RAD51B: variants seen among roughly 807,000 people sequenced by gnomAD.
The protein encoded by RAD51B is DNA repair protein RAD51 homolog 2.
In RAD51B, 38 loss-of-function variants were observed where a neutral mutation model predicts 42.2. That is an observed-to-expected ratio of 0.90 (90% CI 0.70 to 1.18). RAD51B has a LOEUF of 1.18. RAD51B is among the 50% of genes most tolerant of loss of function. The pLI, the probability that RAD51B is intolerant of heterozygous loss-of-function variation, is 0.00. For synonymous variants in RAD51B, 154 were observed against 145.2 expected (o/e 1.06, Z -0.43); for missense variants, 373 against 400.7 (o/e 0.93, Z 0.59).
At chr14:68,608,174 A>G (rs749087923) in intron 10 of RAD51B, among the ~76,000 whole-genome samples, 4 of 152,324 alleles carry the variant, frequency 2.6e-5, no homozygotes, top group Non-Finnish European at 5.9e-5. Context: ...CCCTTCTCTT[A>G]GGCCTCCCCA....
intron 7 of RAD51B, among the ~76,000 whole-genome samples, chr14:67,897,422 A>G (rs1206574449): frequency 1.3e-5 from 2 of 152,316 alleles, no homozygotes; most frequent in Non-Finnish European, 1.5e-5. Flanking sequence ...CAAGCAAACA[A>G]GAGACAATAC....
intron 4 of RAD51B, among the ~76,000 whole-genome samples, chr14:67,857,359 G>T (rs2042029916): frequency 6.6e-6 from 1 of 152,106 alleles, no homozygotes; most frequent in Non-Finnish European, 1.5e-5. Context: ...ATCTCTTACT[G>T]TTATTCACAT....
At chr14:68,417,558 C>CT (rs2084593093) in intron 9 of RAD51B, among the ~76,000 whole-genome samples, 1 of 152,030 alleles carries the variant, frequency 6.6e-6, no homozygotes, top group Admixed American at 6.6e-5. Flanking sequence ...AAAAGAATCC[C>CT]TTTTTTCAGG....
At chr14:68,631,546 G>A (rs765810980) in intron 10 of RAD51B, among the ~76,000 whole-genome samples, 4 of 152,204 alleles carry the variant, frequency 2.6e-5, no homozygotes, top group Non-Finnish European at 5.9e-5. Flanking sequence ...ACTCAAGAGA[G>A]GCCCTCATGC....
In RAD51B at chr14:67,932,351, A is replaced by G. The variant is rs1047318767; in HGVS notation, c.756+45147A>G. ...ATCTGTGTTATCTGTGATTTCCTCC[A>G]TGGTTTATGGTGTGGTTATTAGTGG... On this transcript the variant is annotated intron_variant, in intron 7 of 10. Transcript: ENST00000471583. 3.9e-5 allele frequency among the ~76,000 whole-genome samples: 6 copies of G among 152,004 alleles called. No homozygotes were observed. In the East Asian group the frequency reaches 5.8e-4, roughly 15 times the overall value.
chr14:68,449,216 T>TA (rs1354855780), intron 9 of RAD51B, among the ~76,000 whole-genome samples: 4 of 152,320 alleles, frequency 2.6e-5, no homozygotes, highest in Admixed American at 2.6e-4. Flanking sequence ...TAATTATTTT[T>TA]AAAAAACAAC....
At chr14:68,065,256 A>G (rs2076631336) in intron 7 of RAD51B, among the ~76,000 whole-genome samples, 1 of 152,150 alleles carries the variant, frequency 6.6e-6, no homozygotes. Context: ...CAAGTGTCTC[A>G]GTGGCTTAAG....
At chr14:68,056,523 C>T (rs371950039) in intron 7 of RAD51B, among the ~76,000 whole-genome samples, 11 of 151,816 alleles carry the variant, frequency 7.2e-5, no homozygotes, top group South Asian at 6.2e-4. Context: ...CTGAGACAGG[C>T]GGATTGCCTG....
At chr14:68,371,119 A>C (rs528028175) in intron 8 of RAD51B, among the ~76,000 whole-genome samples, 13 of 151,864 alleles carry the variant, frequency 8.6e-5, no homozygotes, top group Non-Finnish European at 1.3e-4. Flanking sequence ...TAAACAACTG[A>C]GAATGGTGTC....
At chr14:68,432,318 G>T (rs1200739090) in intron 9 of RAD51B, among the ~76,000 whole-genome samples, 1 of 152,112 alleles carries the variant, frequency 6.6e-6, no homozygotes, top group Non-Finnish European at 1.5e-5. Context: ...TTAACTTTCT[G>T]TCTCATTGAT....
chr14:67,966,385 C>T (rs1488370956), intron 7 of RAD51B, among the ~76,000 whole-genome samples: 3 of 152,212 alleles, frequency 2.0e-5, no homozygotes, highest in African/African-American at 7.2e-5. Flanking sequence ...TCTCCCTAAC[C>T]ATTGCATCTT....
intron 7 of RAD51B, among the ~76,000 whole-genome samples, chr14:68,283,103 G>A (rs759097139): frequency 8.5e-5 from 13 of 152,186 alleles, no homozygotes; most frequent in Admixed American, 1.3e-4. Flanking sequence ...AATACCAGCC[G>A]TCTGTGAGGG....
chr14:68,578,612 TC>T (rs1474352819), intron 10 of RAD51B, among the ~76,000 whole-genome samples: 1 of 152,052 alleles, frequency 6.6e-6, no homozygotes, highest in African/African-American at 2.4e-5. Flanking sequence ...ATAGCCTCTC[TC>T]CTTGAAGGAT....
chr14:68,116,442 C>T (rs1241436432), intron 7 of RAD51B, among the ~76,000 whole-genome samples: 1 of 151,192 alleles, frequency 6.6e-6, no homozygotes, highest in South Asian at 2.1e-4. Flanking sequence ...GTGATTCATT[C>T]AAAAAATGTA....
chr14:68,373,193 C>T (rs963402460), intron 8 of RAD51B, among the ~76,000 whole-genome samples: 1 of 152,186 alleles, frequency 6.6e-6, no homozygotes, highest in African/African-American at 2.4e-5. Flanking sequence ...CCATTATTTG[C>T]TAATTTACTA....
At chr14:68,148,680 A>G (rs755535660) in intron 7 of RAD51B, among the ~76,000 whole-genome samples, 16 of 152,204 alleles carry the variant, frequency 1.1e-4, no homozygotes, top group Non-Finnish European at 2.1e-4. Flanking sequence ...ACTGTGCAGT[A>G]ACAGTAAGCC....
At chr14:67,849,989 G>A (rs757751390) in intron 4 of RAD51B, among the ~76,000 whole-genome samples, 2 of 152,082 alleles carry the variant, frequency 1.3e-5, no homozygotes, top group East Asian at 1.9e-4. Flanking sequence ...TCATTTGTAG[G>A]TGTTGGCACT....
chr14:68,132,489 T>TTATG (rs1238061413), intron 7 of RAD51B, among the ~76,000 whole-genome samples: 2 of 152,276 alleles, frequency 1.3e-5, no homozygotes, highest in African/African-American at 4.8e-5. Flanking sequence ...GTATTGTGAG[T>TTATG]TATGGACTTC....
At chr14:68,313,316 C>A (rs935953792) in intron 8 of RAD51B, among the ~76,000 whole-genome samples, 2 of 152,318 alleles carry the variant, frequency 1.3e-5, no homozygotes, top group African/African-American at 4.8e-5. Context: ...GTGGCCCAGG[C>A]ATGCATCTTT....
Sources: allele counts gnomAD v4.1 joint callset (sites outside exome capture counted in the v4.1 genomes callset), GRCh38; gene constraint gnomAD v4.1.1; transcripts MANE v1.5; gene names NCBI Gene and HGNC (gene_info 2026-07-23, HGNC 2026-07-21).